TAOK3: variants seen among roughly 807,000 people sequenced by gnomAD.
TAOK3 encodes TAO kinase 3, also known as serine/threonine-protein kinase TAO3.
In TAOK3, 40 loss-of-function variants were observed where a neutral mutation model predicts 120.4. That is an observed-to-expected ratio of 0.33 (90% CI 0.26 to 0.43). TAOK3 has a LOEUF of 0.43. Ranked by LOEUF, TAOK3 falls within the 20% of genes least tolerant of loss-of-function variation. The probability of loss-of-function intolerance (pLI) is 1.00; values close to 1 mark genes in which losing one functional copy is unlikely to be tolerated. For synonymous variants in TAOK3, 355 were observed against 387.5 expected (o/e 0.92, Z 0.99); for missense variants, 821 against 1,112.1 (o/e 0.74, Z 3.72).
chr12:118,359,695 C>CAAGCTG (rs1267450217), intron 1 of TAOK3: 1 of 152,100 alleles, frequency 6.6e-6, no homozygotes, highest in African/African-American at 2.4e-5. Flanking sequence ...ATCAGTATTG[C>CAAGCTG]AAGCTGAAGT....
At chr12:118,230,457 AGT>A (rs1364703662) in intron 9 of TAOK3, among the ~76,000 whole-genome samples, 6 of 128,404 alleles carry the variant, frequency 4.7e-5, no homozygotes, top group East Asian at 2.6e-4. Context: ...TACCCTGTGA[AGT>A]GTTTTTTTTT....
At chr12:118,336,590 A>AG (rs1381869890) in intron 1 of TAOK3, among the ~76,000 whole-genome samples, 1 of 152,182 alleles carries the variant, frequency 6.6e-6, no homozygotes, top group Non-Finnish European at 1.5e-5. Context: ...AGAAAAAAAA[A>AG]TCAATAAATT....
At chr12:118,230,184 C>T (rs1052365999) in intron 9 of TAOK3, among the ~76,000 whole-genome samples, 1 of 151,984 alleles carries the variant, frequency 6.6e-6, no homozygotes, top group Non-Finnish European at 1.5e-5. Context: ...TTAGTTTTAT[C>T]ATATAATTAA....
At chr12:118,226,880 C>T (rs1593224390) in intron 9 of TAOK3, among the ~76,000 whole-genome samples, 2 of 152,232 alleles carry the variant, frequency 1.3e-5, no homozygotes, top group East Asian at 1.9e-4. Flanking sequence ...TAAGGTATCT[C>T]TTGGGGTCTG....
intron 1 of TAOK3, among the ~76,000 whole-genome samples, chr12:118,291,413 G>A (rs1475715808): frequency 6.6e-6 from 1 of 151,674 alleles, no homozygotes; most frequent in Admixed American, 6.6e-5. Context: ...CGCCCGCCTC[G>A]GCCTCCCAAA....
At chr12:118,253,449 T>C (rs551528362) in intron 3 of TAOK3, among the ~76,000 whole-genome samples, 93 of 152,220 alleles carry the variant, frequency 6.1e-4, no homozygotes, top group South Asian at 3.3e-3. Flanking sequence ...TAAATAACTA[T>C]ATTTTGGCCT....
rs571226684 is a variant in TAOK3, at chr12:118,156,018, C to T, written c.2353-3609G>A. ...CTGGGATTACAGGCGTGAGCCACCGCGCCTGGTCTCTCCCATTTTATATAA... is the reference window on the plus strand; with the variant it reads ...CTGGGATTACAGGCGTGAGCCACCGTGCCTGGTCTCTCCCATTTTATATAA... On this transcript the variant is annotated intron_variant, in intron 19 of 20. Coordinates refer to ENST00000392533, the MANE Select transcript of TAOK3 (RefSeq NM_016281.4). Among the ~76,000 whole-genome samples the T allele has an allele frequency of 3.2e-4, 49 of 152,304 alleles. 1 individual carries two copies. The South Asian group carries it at 8.7e-3, about 27-fold the overall frequency.
intron 3 of TAOK3, among the ~76,000 whole-genome samples, chr12:118,247,841 A>G (rs2040583291): frequency 6.6e-6 from 1 of 152,292 alleles, no homozygotes; most frequent in East Asian, 1.9e-4. Flanking sequence ...ATTTAAAACT[A>G]TTAGTTTTCT....
chr12:118,303,399 ATGTT>A (rs2042943122), intron 1 of TAOK3, among the ~76,000 whole-genome samples: 1 of 152,232 alleles, frequency 6.6e-6, no homozygotes, highest in East Asian at 1.9e-4. Context: ...GCCTGAAACA[ATGTT>A]TGGCAGAATG....
In TAOK3 at chr12:118,202,692, T is replaced by C. The variant is rs144130739; in HGVS notation, c.820-1229A>G. On this transcript the variant is annotated intron_variant, in intron 11 of 20. Transcript: ENST00000392533. ...TAAGTAATAAAAAAATCACTAGAACTTTAAGAAGTAGGAGGTAGGCTTGTA... is the reference window on the plus strand; with the variant it reads ...TAAGTAATAAAAAAATCACTAGAACCTTAAGAAGTAGGAGGTAGGCTTGTA... 2.6e-4 allele frequency among the ~76,000 whole-genome samples: 40 copies of C among 152,118 alleles called. No homozygotes were observed. The East Asian group carries it at 7.1e-3, about 27-fold the overall frequency.
At chr12:118,163,313 C>T (rs1300844346) in intron 17 of TAOK3, among the ~76,000 whole-genome samples, 1 of 152,166 alleles carries the variant, frequency 6.6e-6, no homozygotes, top group Non-Finnish European at 1.5e-5. Flanking sequence ...AGCTGTATTA[C>T]TGCTATTCGA....
At chr12:118,177,719 A>T (rs1484107418) in intron 15 of TAOK3, among the ~76,000 whole-genome samples, 1 of 152,080 alleles carries the variant, frequency 6.6e-6, no homozygotes, top group African/African-American at 2.4e-5. Context: ...GCTACTCTGG[A>T]GGCTGAGGCA....
Position 118,157,235 on chromosome 12 carries a change from A to G in TAOK3, c.2352+2911T>C, listed in dbSNP as rs531867210. ...CCAGGTAAAAGTCACTTCACAAATC[A>G]TCTCCTAATATCCATTCTTCCCATC... On this transcript the variant is annotated intron_variant, in intron 19 of 20. Coordinates refer to ENST00000392533, the MANE Select transcript of TAOK3 (RefSeq NM_016281.4). 2.0e-5 allele frequency among the ~76,000 whole-genome samples: 3 copies of G among 152,136 alleles called. No individual in the cohort carries two copies. In the South Asian group the frequency reaches 6.2e-4, roughly 32 times the overall value.
At position 118,372,818 on chromosome 12, in the gene TAOK3, G is replaced by A. The variant is rs1173007109; in HGVS notation, c.-364C>T. 6.5e-6 allele frequency: 1 copy of A among 152,930 alleles called. No individual in the cohort carries two copies. The allele number at this position is 152,930 out of a possible 1,614,324, so 9.5% of individuals were successfully genotyped here. On this transcript the variant is annotated 5_prime_UTR_variant, in exon 1 of 21. It adds an upstream start codon to the 5' untranslated region. Coordinates refer to ENST00000392533, the MANE Select transcript of TAOK3 (RefSeq NM_016281.4). This position sits in a 1 kb window ranked among gnomAD's most constrained non-coding sequence, Gnocchi z 4.6. ...CCTCTGCTCGCGGTCTCGGCGTTGC[G>A]TCCCACTCTCCACGCAGGACCCCGC...
At chr12:118,260,108 G>A (rs540574767) in intron 2 of TAOK3, among the ~76,000 whole-genome samples, 1 of 152,258 alleles carries the variant, frequency 6.6e-6, no homozygotes, top group African/African-American at 2.4e-5. Flanking sequence ...GCTGGTCTGT[G>A]ATGCCTAACA....
chr12:118,181,452 C>T lies in TAOK3; in HGVS notation c.1485G>A (p.Lys495=), dbSNP rs2036719603. Residue 495 remains lysine, a synonymous_variant, in exon 15 of 21, where the codon AAG becomes AAA. Transcript: ENST00000392533. ...EMDEHRLKLQ[K]EVETHANNSS... ...AGTTGTTGGCATGCGTCTCCACCTCCTTCTGTAGCTTGAGGCGGTGCTCGT... is the reference window on the plus strand; with the variant it reads ...AGTTGTTGGCATGCGTCTCCACCTCTTTCTGTAGCTTGAGGCGGTGCTCGT... 7 of 1,614,206 alleles carry T rather than the reference C, an allele frequency of 4.3e-6. No individual in the cohort carries two copies. In the East Asian group the frequency reaches 1.6e-4, roughly 36 times the overall value.
At chr12:118,177,433 G>A (rs1350186989) in intron 15 of TAOK3, 104 bp from the exon 16 acceptor site, 29 of 768,414 alleles carry the variant, frequency 3.8e-5, no homozygotes, top group Non-Finnish European at 5.5e-5. Flanking sequence ...TGCTAATAAT[G>A]AGACATTTTT....
intron 19 of TAOK3, among the ~76,000 whole-genome samples, chr12:118,154,449 T>C (rs895797167): frequency 6.6e-6 from 1 of 152,166 alleles, no homozygotes; most frequent in Non-Finnish European, 1.5e-5. Flanking sequence ...AAGTTGTTTT[T>C]TCGTGGTTTT....
intron 3 of TAOK3, among the ~76,000 whole-genome samples, chr12:118,251,613 T>G (rs1340321438): frequency 6.6e-6 from 1 of 152,126 alleles, no homozygotes; most frequent in Non-Finnish European, 1.5e-5. Flanking sequence ...AAACAAATAT[T>G]AGAAATAGTC....
Sources: gnomAD v4.1 joint callset for allele counts (sites outside exome capture counted in the v4.1 genomes callset) on GRCh38, gnomAD v4.1.1 for gene constraint, Gnocchi (gnomAD v3.1) non-coding constraint, MANE v1.5 for transcripts, NCBI Gene and HGNC (gene_info 2026-07-23, HGNC 2026-07-21) for gene names.